Variants in SORBS2 observed in about 807,000 individuals in gnomAD.
SORBS2 encodes the protein sorbin and SH3 domain containing 2, also known as sorbin and SH3 domain-containing protein 2.
In SORBS2, 46 loss-of-function variants were observed where a neutral mutation model predicts 97.7. That is an observed-to-expected ratio of 0.47 (90% CI 0.37 to 0.60). The LOEUF (loss-of-function observed/expected upper bound fraction) is 0.60, where lower values mean the gene tolerates loss of function less well. Ranked by LOEUF, SORBS2 falls within the 20% of genes least tolerant of loss-of-function variation. The pLI is 0.00. For synonymous variants in SORBS2, 476 were observed against 473.4 expected (o/e 1.01, Z -0.07); for missense variants, 1,316 against 1,282.3 (o/e 1.03, Z -0.40).
intron 4 of SORBS2, among the ~76,000 whole-genome samples, chr4:185,636,319 C>T (rs140451819): frequency 6.6e-6 from 1 of 152,114 alleles, no homozygotes; most frequent in Non-Finnish European, 1.5e-5. Context: ...AAGAAAAATC[C>T]TTTGGTTTAT....
chr4:185,905,228 C>G (rs1300017633), intron 1 of SORBS2, among the ~76,000 whole-genome samples: 1 of 152,154 alleles, frequency 6.6e-6, no homozygotes, highest in East Asian at 1.9e-4. Context: ...CAGGGAAACA[C>G]AGGGTTCATC....
chr4:185,737,519 A>G (rs1048234505), intron 2 of SORBS2, among the ~76,000 whole-genome samples: 1 of 152,216 alleles, frequency 6.6e-6, no homozygotes, highest in Admixed American at 6.5e-5. Flanking sequence ...GTCATGAAAC[A>G]TAAAACCTAA....
chr4:185,910,697 T>C (rs1374674978), intron 1 of SORBS2, among the ~76,000 whole-genome samples: 1 of 152,030 alleles, frequency 6.6e-6, no homozygotes, highest in African/African-American at 2.4e-5. Flanking sequence ...CACCTCAGCC[T>C]CCTGAGTCGC....
At chr4:185,670,697 A>G (rs1561820831) in intron 4 of SORBS2, among the ~76,000 whole-genome samples, 1 of 151,894 alleles carries the variant, frequency 6.6e-6, no homozygotes, top group Non-Finnish European at 1.5e-5. Flanking sequence ...AGGGGTTTTA[A>G]AAAAACCAAT....
At chr4:185,825,299 G>A (rs1039893777) in intron 1 of SORBS2, among the ~76,000 whole-genome samples, 11 of 151,340 alleles carry the variant, frequency 7.3e-5, no homozygotes, top group African/African-American at 2.7e-4. Flanking sequence ...ATTACCATGT[G>A]CCAGGCACTA....
chr4:185,726,538 C>T (rs1263926054), intron 2 of SORBS2, among the ~76,000 whole-genome samples: 43 of 151,910 alleles, frequency 2.8e-4, no homozygotes, highest in Admixed American at 2.8e-3. Flanking sequence ...ACAATGCTTA[C>T]TTTGTATAAG....
intron 2 of SORBS2, among the ~76,000 whole-genome samples, chr4:185,730,781 CAGCTGTGCCTTTGG>C (rs1193813575): frequency 2.0e-5 from 3 of 152,216 alleles, no homozygotes; most frequent in Non-Finnish European, 4.4e-5. Context: ...GCGTTAAATG[CAGCTGTGCCTTTGG>C]AGCTGGACAT....
chr4:185,809,301 G>T lies in SORBS2; in HGVS notation c.-337-33935C>A, dbSNP rs528530869. ...ACAGGGACAAATGCAATATGGTTCA[G>T]CAGACAGAAAGTCAGAAGTAAGATT... is the stretch of plus-strand genomic sequence containing the variant. On this transcript the variant is annotated intron_variant, in intron 1 of 20. Coordinates refer to the SORBS2 transcript ENST00000284776. Among the ~76,000 whole-genome samples, 4 of 150,950 alleles carry T rather than the reference G, an allele frequency of 2.6e-5. No individual in the cohort carries two copies. The South Asian group carries it at 8.5e-4, about 32-fold the overall frequency.
chr4:185,706,128 C>T (rs1205203941), intron 2 of SORBS2, among the ~76,000 whole-genome samples: 1 of 152,188 alleles, frequency 6.6e-6, no homozygotes, highest in Admixed American at 6.5e-5. Flanking sequence ...AAATATTATG[C>T]TTGCCACGTT....
intron 1 of SORBS2, among the ~76,000 whole-genome samples, chr4:185,864,036 T>C (rs1284942790): frequency 2.0e-5 from 3 of 152,356 alleles, no homozygotes; most frequent in East Asian, 1.9e-4. Flanking sequence ...GTCTGCAAGA[T>C]AAGGTGAAGT....
chr4:185,638,915 T>C, intron 4 of SORBS2: 2 of 1,491,852 alleles, frequency 1.3e-6, no homozygotes, highest in Non-Finnish European at 1.8e-6. Context: ...GAGCTTGGTG[T>C]GGGGGCGCCA....
intron 1 of SORBS2, among the ~76,000 whole-genome samples, chr4:185,795,961 T>C (rs1261575467): frequency 6.6e-6 from 1 of 152,206 alleles, no homozygotes; most frequent in Non-Finnish European, 1.5e-5. Flanking sequence ...GTCTCCATAA[T>C]CTCTCCACGC....
intron 1 of SORBS2, among the ~76,000 whole-genome samples, chr4:185,886,579 G>GAA (rs375147493): frequency 7.8e-6 from 1 of 127,930 alleles, no homozygotes. Flanking sequence ...AAAAAGAAAA[G>GAA]AAAAAAAAAA....
intron 2 of SORBS2, among the ~76,000 whole-genome samples, chr4:185,756,331 G>T (rs1027732255): frequency 7.9e-5 from 12 of 152,138 alleles, no homozygotes; most frequent in African/African-American, 2.9e-4. Flanking sequence ...TGCTGTTTAT[G>T]TCACATGGAT....
intron 1 of SORBS2, among the ~76,000 whole-genome samples, chr4:185,946,507 C>T (rs1217289366): frequency 6.6e-6 from 1 of 152,130 alleles, no homozygotes; most frequent in Non-Finnish European, 1.5e-5. Context: ...GATATGAATT[C>T]CAGAAAAATC....
At chr4:185,761,270 A>T (rs898986450) in intron 2 of SORBS2, among the ~76,000 whole-genome samples, 1 of 152,224 alleles carries the variant, frequency 6.6e-6, no homozygotes, top group Non-Finnish European at 1.5e-5. Context: ...TGATCTTGAA[A>T]ATCTGTACCG....
At chr4:185,938,240 C>T (rs537633874) in intron 1 of SORBS2, among the ~76,000 whole-genome samples, 2 of 152,042 alleles carry the variant, frequency 1.3e-5, no homozygotes, top group African/African-American at 4.8e-5. Context: ...TCAGGTCATC[C>T]ACCCGCCTCG....
At chr4:185,857,720 C>T (rs1027344769) in intron 1 of SORBS2, among the ~76,000 whole-genome samples, 6 of 152,074 alleles carry the variant, frequency 3.9e-5, no homozygotes, top group East Asian at 1.9e-4. Flanking sequence ...TATGAATGGC[C>T]GCTCTGGGAG....
chr4:185,923,153 T>A (rs555471955), intron 1 of SORBS2, among the ~76,000 whole-genome samples: 1 of 152,336 alleles, frequency 6.6e-6, no homozygotes, highest in East Asian at 1.9e-4. Flanking sequence ...GAGCAGACAC[T>A]CCACAAAGGT....
Sources: allele counts gnomAD v4.1 joint callset (sites outside exome capture counted in the v4.1 genomes callset), GRCh38; gene constraint gnomAD v4.1.1; transcripts MANE v1.5; gene names NCBI Gene and HGNC (gene_info 2026-07-23, HGNC 2026-07-21).